ACSF2: variants seen among roughly 807,000 people sequenced by gnomAD.
The protein encoded by ACSF2 is medium-chain acyl-CoA ligase ACSF2, mitochondrial.
Under a neutral mutation model 79.3 loss-of-function variants are expected in ACSF2, and 52 were observed. That is an observed-to-expected ratio of 0.66 (90% CI 0.53 to 0.83). ACSF2 has a LOEUF of 0.83. Ranked by LOEUF, ACSF2 falls within the 40% of genes least tolerant of loss-of-function variation. The probability of loss-of-function intolerance (pLI) is 0.00; values close to 1 mark genes in which losing one functional copy is unlikely to be tolerated. For missense variants in ACSF2, 661 were observed against 803.3 expected (o/e 0.82, Z 2.14); for synonymous variants, 283 against 312.6 (o/e 0.91, Z 1.00).
At chr17:50,432,219 A>G (rs2029989916) in intron 1 of ACSF2, among the ~76,000 whole-genome samples, 1 of 152,178 alleles carries the variant, frequency 6.6e-6, no homozygotes, top group African/African-American at 2.4e-5. Context: ...TTTCTTATGT[A>G]TAAATAGTGC....
At chr17:50,465,935 G>C in intron 10 of ACSF2, 1 of 1,581,360 alleles carries the variant, frequency 6.3e-7, no homozygotes, top group Non-Finnish European at 8.7e-7. Context: ...AAGCACCCGA[G>C]TGCCAGAGGG....
chr17:50,468,116 C>A (rs1598431663), intron 10 of ACSF2: 1 of 1,614,080 alleles, frequency 6.2e-7, no homozygotes, highest in Non-Finnish European at 8.5e-7. Flanking sequence ...GTCCGGGATG[C>A]TTTTCAGGGG....
At chr17:50,427,511 ACT>A (rs1915104378) in intron 1 of ACSF2, among the ~76,000 whole-genome samples, 1 of 151,912 alleles carries the variant, frequency 6.6e-6, no homozygotes, top group Non-Finnish European at 1.5e-5. Flanking sequence ...CTGGGAAGTC[ACT>A]CACTACTTCC....
Position 50,464,444 on chromosome 17 carries a change from C to G in ACSF2, c.1215+150C>G. ...GAAAGCAGATGTGAGAAAAGATAGTCTGACCTCATCAGCACCTGGTGGGTG... is the reference window on the plus strand; with the variant it reads ...GAAAGCAGATGTGAGAAAAGATAGTGTGACCTCATCAGCACCTGGTGGGTG... On this transcript the variant is annotated intron_variant, in intron 10 of 15. Coordinates refer to ENST00000300441, the MANE Select transcript of ACSF2 (RefSeq NM_025149.6). 6.3e-6 allele frequency: 5 copies of G among 790,464 alleles called. No individual in the cohort carries two copies. The South Asian group carries it at 7.1e-5, about 11-fold the overall frequency. 49.0% of individuals were successfully genotyped at this position (790,464 alleles called of 1,614,324 possible). A position where few individuals can be genotyped will look rare whatever the true frequency, so the allele number is the denominator to read the frequency against.
At chr17:50,436,754 T>C (rs1044322174) in intron 1 of ACSF2, among the ~76,000 whole-genome samples, 1 of 151,516 alleles carries the variant, frequency 6.6e-6, no homozygotes. Context: ...TTTTTTTTTT[T>C]CCTGAGGCTC....
intron 1 of ACSF2, among the ~76,000 whole-genome samples, chr17:50,439,812 A>G (rs931192876): frequency 6.6e-6 from 1 of 152,172 alleles, no homozygotes; most frequent in African/African-American, 2.4e-5. Context: ...TTGCTAAAAA[A>G]AAGAGTTTGC....
chr17:50,469,218 C>G (rs1373671834), intron 10 of ACSF2, among the ~76,000 whole-genome samples: 2 of 152,218 alleles, frequency 1.3e-5, no homozygotes, highest in Non-Finnish European at 2.9e-5. Flanking sequence ...GAGAGGGAGG[C>G]GTTCCCTCAA....
Position 50,463,665 on chromosome 17 carries a change from TG to T in ACSF2, c.1046+117del, listed in dbSNP as rs1353811530. On this transcript the variant is annotated intron_variant, in intron 8 of 15. Coordinates refer to ENST00000300441, the MANE Select transcript of ACSF2 (RefSeq NM_025149.6). The surrounding 1 kb of genome is among the most constrained non-coding windows in gnomAD (Gnocchi z 4.6). The stretch of plus-strand genomic sequence containing the variant: ...CTCCCTCCAGCCAGGAGACTGAGGA[TG>T]GGGACAGTGGAGGACCCCCAGGAGA... 1 of 1,524,482 alleles carries T rather than the reference TG, an allele frequency of 6.6e-7. No individual in the cohort carries two copies. The highest frequency in any genetic ancestry group is 8.9e-7 in the Non-Finnish European group (1 of 1,118,948). The allele number at this position is 1,524,482 out of a possible 1,614,324, so 94.4% of individuals were successfully genotyped here. A position where few individuals can be genotyped will look rare whatever the true frequency, so the allele number is the denominator to read the frequency against.
rs575566533 is a variant in ACSF2 at position 50,440,493 on chromosome 17, T to C, written c.128+14104T>C. 1.6e-4 allele frequency among the ~76,000 whole-genome samples: 25 copies of C among 152,358 alleles called. No homozygotes were observed. In the South Asian group the frequency reaches 3.9e-3, roughly 24 times the overall value. ...ACAGCTTCTCCTCTTATGTTCTCCATGGCAGACCTGTTTGCCCAGGCATTT... is the reference window on the plus strand; with the variant it reads ...ACAGCTTCTCCTCTTATGTTCTCCACGGCAGACCTGTTTGCCCAGGCATTT... On this transcript the variant is annotated intron_variant, in intron 1 of 15. Coordinates refer to ENST00000300441, the MANE Select transcript of ACSF2 (RefSeq NM_025149.6).
At chr17:50,442,809 C>T (rs1446817342) in intron 1 of ACSF2, among the ~76,000 whole-genome samples, 2 of 152,150 alleles carry the variant, frequency 1.3e-5, no homozygotes, top group East Asian at 3.9e-4. Flanking sequence ...TATATGCTCT[C>T]TAATTTAGTT....
intron 10 of ACSF2, chr17:50,468,734 C>T (rs1286938461): frequency 6.2e-7 from 1 of 1,609,446 alleles, no homozygotes; most frequent in Non-Finnish European, 8.5e-7. Context: ...GTGGCAGTGG[C>T]AGTTCTGGGG....
At chr17:50,461,773 A>G in intron 4 of ACSF2, 87 bp downstream of exon 4, 1 of 1,531,432 alleles carries the variant, frequency 6.5e-7, no homozygotes, top group Non-Finnish European at 9.0e-7. Flanking sequence ...TGACGGTGTG[A>G]GCTAGGGCAT....
chr17:50,450,478 G>C (rs2031597875), intron 1 of ACSF2: 1 of 150,292 alleles, frequency 6.7e-6, no homozygotes, highest in Non-Finnish European at 1.5e-5. Context: ...TCCAGCCTGG[G>C]AGATAGAGTG....
Position 50,460,805 on chromosome 17 carries a change from C to T in ACSF2, c.257C>T (p.Pro86Leu). ...CTGGAGACCACAGCACAGAGGGTCC[C>T]AGAACGAGAGGCCTTGGTCGTCCTC... ...QCLETTAQRV[P>L]EREALVVLHE... Residue 86 changes from proline (P) to leucine (L), a missense_variant, in exon 2 of 16, where the codon CCA becomes CTA. By Grantham distance (98) the Pro-to-Leu change is moderately conservative. Transcript: ENST00000300441. 1 of 1,612,532 alleles carries T rather than the reference C, an allele frequency of 6.2e-7. No homozygotes were observed. The highest frequency in any genetic ancestry group is 8.5e-7 in the Non-Finnish European group (1 of 1,179,236).
intron 1 of ACSF2, among the ~76,000 whole-genome samples, chr17:50,445,266 A>G (rs921167868): frequency 5.3e-5 from 8 of 152,144 alleles, no homozygotes; most frequent in Admixed American, 5.2e-4. Context: ...CCAGTTGCTT[A>G]ACTTTTTCAT....
At chr17:50,465,153 G>A (rs1362001543) in intron 10 of ACSF2, 2 of 933,526 alleles carry the variant, frequency 2.1e-6, no homozygotes, top group Non-Finnish European at 3.2e-6. Flanking sequence ...TTCAACAGGG[G>A]ACCCAGTCGT....
intron 10 of ACSF2, chr17:50,468,264 T>C (rs1897521565): frequency 5.0e-6 from 8 of 1,611,288 alleles, no homozygotes; most frequent in Non-Finnish European, 6.8e-6. Flanking sequence ...TGCAGGGAGC[T>C]CAACGCGTTT....
chr17:50,468,951 G>A (rs2032949502), intron 10 of ACSF2: 1 of 1,403,846 alleles, frequency 7.1e-7, no homozygotes, highest in African/African-American at 1.5e-5. Flanking sequence ...CAGCTCCTAC[G>A]TGGAGCATCG....
intron 1 of ACSF2, among the ~76,000 whole-genome samples, chr17:50,433,293 G>A (rs1342839608): frequency 6.6e-6 from 1 of 151,924 alleles, no homozygotes; most frequent in Non-Finnish European, 1.5e-5. Flanking sequence ...TTTTAGTGGA[G>A]ATGGGGTTTC....
Sources: allele counts gnomAD v4.1 joint callset (sites outside exome capture counted in the v4.1 genomes callset), GRCh38; gene constraint gnomAD v4.1.1; non-coding constraint Gnocchi (gnomAD v3.1); transcripts MANE v1.5; gene names NCBI Gene and HGNC (gene_info 2026-07-23, HGNC 2026-07-21).